Variants in OSBPL11 observed in about 807,000 individuals in gnomAD.
The protein encoded by OSBPL11 is oxysterol binding protein like 11.
A neutral mutation model predicts 84.4 loss-of-function variants in OSBPL11; 33 were observed. The ratio of observed to expected loss-of-function variants is 0.39; its 90% CI spans 0.30 to 0.52. The LOEUF (loss-of-function observed/expected upper bound fraction) is 0.52, where lower values mean the gene tolerates loss of function less well. OSBPL11 is among the 20% of genes least tolerant of loss of function. The pLI, the probability that OSBPL11 is intolerant of heterozygous loss-of-function variation, is 0.72. For synonymous variants in OSBPL11, 276 were observed against 310.2 expected (o/e 0.89, Z 1.16); for missense variants, 736 against 901.1 (o/e 0.82, Z 2.35).
Position 125,552,253 on chromosome 3 carries a change from A to C in OSBPL11, c.1582T>G (p.Cys528Gly). The C allele has an allele frequency of 6.2e-7, 1 of 1,613,978 alleles. No individual in the cohort carries two copies. Among genetic ancestry groups the C allele is most frequent in the African/African-American group, 1.3e-5 (1 of 74,984 alleles). The change falls in exon 9 of 13, where the codon TGT (cysteine) becomes GGT (glycine). Residue 528 changes from cysteine to glycine, a missense_variant. This residue lies in a region of OSBPL11 where 579 missense variants were observed against 717.6 expected (regional missense o/e 0.81). Coordinates refer to ENST00000296220, the MANE Select transcript of OSBPL11 (RefSeq NM_022776.5). ...TTAGTCCAGACATGCGCATTTACACACATCTTCCTCTCTGTACATTCTGCA... is the reference window on the plus strand; with the variant it reads ...TTAGTCCAGACATGCGCATTTACACCCATCTTCCTCTCTGTACATTCTGCA... The part of the protein sequence containing the change: ...FYAECTERKM[C>G]VNAHVWTKSK...
chr3:125,585,545 A>AAT (rs3032676), intron 1 of OSBPL11, among the ~76,000 whole-genome samples: 1 of 150,960 alleles, frequency 6.6e-6, no homozygotes. Context: ...TGAAAAAAAA[A>AAT]AAAACAAAAC....
chr3:125,567,881 C>G (rs1038367473), intron 5 of OSBPL11, among the ~76,000 whole-genome samples: 2 of 151,348 alleles, frequency 1.3e-5, no homozygotes, highest in Non-Finnish European at 2.9e-5. Context: ...GTAGTCCCAG[C>G]TACTTGGGAG....
chr3:125,565,798 A>T (rs895443872), intron 6 of OSBPL11, among the ~76,000 whole-genome samples: 3 of 151,810 alleles, frequency 2.0e-5, no homozygotes, highest in Non-Finnish European at 4.4e-5. Context: ...ATCACTTTGG[A>T]ATGCCCTTTC....
intron 1 of OSBPL11, among the ~76,000 whole-genome samples, chr3:125,587,708 T>C (rs940026071): frequency 6.6e-6 from 1 of 152,136 alleles, no homozygotes; most frequent in Admixed American, 6.5e-5. Flanking sequence ...TCCCAGCACT[T>C]TGGGAGGATC....
chr3:125,570,130 T>C (rs1337217849), intron 5 of OSBPL11, among the ~76,000 whole-genome samples: 2 of 152,078 alleles, frequency 1.3e-5, no homozygotes, highest in African/African-American at 4.8e-5. Context: ...GAAAATAGTA[T>C]GTTTCTTTGT....
chr3:125,539,300 C>CATATATATAT (rs10678056), intron 10 of OSBPL11, among the ~76,000 whole-genome samples: 23 of 67,826 alleles, frequency 3.4e-4, no homozygotes, highest in South Asian at 1.0e-3. Context: ...TCACCACAGC[C>CATATATATAT]ATATATATAT....
chr3:125,581,854 T>G (rs907643899), intron 2 of OSBPL11, among the ~76,000 whole-genome samples: 2 of 151,930 alleles, frequency 1.3e-5, no homozygotes, highest in African/African-American at 4.8e-5. Context: ...TGCATGCCTG[T>G]AGCTCCAGCT....
chr3:125,533,131 A>G (rs558487125), intron 11 of OSBPL11, among the ~76,000 whole-genome samples: 21 of 152,064 alleles, frequency 1.4e-4, no homozygotes, highest in African/African-American at 4.6e-4. Context: ...GAAAGTTACT[A>G]AACATCTGTT....
intron 10 of OSBPL11, among the ~76,000 whole-genome samples, chr3:125,540,200 A>C (rs1935708560): frequency 6.6e-6 from 1 of 152,034 alleles, no homozygotes; most frequent in Non-Finnish European, 1.5e-5. Context: ...GTAGTGGCAC[A>C]GGCCTGTAGT....
rs199544517 is a variant in OSBPL11, at chr3:125,538,543, G to A, written c.1932C>T (p.Ser644=). ...EWNSVLEFTY[S]NGETKYVDLT... ...AGTCCACATACTTTGTCTCTCCATT[G>A]CTATATGTGAACTCAAGAACACTAT... is the stretch of plus-strand genomic sequence containing the variant. Residue 644 remains serine (S), a synonymous_variant, in exon 11 of 13, where the codon AGC becomes AGT. Transcript: ENST00000296220. 1.6e-5 allele frequency: 26 copies of A among 1,613,900 alleles called. No individual in the cohort carries two copies. The highest frequency in any genetic ancestry group is 2.1e-5 in the Non-Finnish European group (25 of 1,179,936).
intron 6 of OSBPL11, among the ~76,000 whole-genome samples, chr3:125,565,517 T>C (rs1251597760): frequency 1.3e-5 from 2 of 152,100 alleles, no homozygotes; most frequent in East Asian, 1.9e-4. Context: ...TGAAAAAAGA[T>C]ACAAACGTAT....
At chr3:125,532,577 C>CAAAA (rs371653670) in intron 11 of OSBPL11, among the ~76,000 whole-genome samples, 6 of 53,996 alleles carry the variant, frequency 1.1e-4, no homozygotes, top group Non-Finnish European at 1.6e-4. Flanking sequence ...AAATCTCAAG[C>CAAAA]AAAAAAAAAA....
chr3:125,569,542 T>G (rs1047536180), intron 5 of OSBPL11, among the ~76,000 whole-genome samples: 5 of 152,206 alleles, frequency 3.3e-5, no homozygotes, highest in Admixed American at 2.0e-4. Flanking sequence ...TCCAAACTTA[T>G]GAACACGCAG....
At chr3:125,593,631 A>C (rs1936635076) in intron 1 of OSBPL11, among the ~76,000 whole-genome samples, 1 of 152,118 alleles carries the variant, frequency 6.6e-6, no homozygotes, top group Non-Finnish European at 1.5e-5. Flanking sequence ...AAAAAAAAAA[A>C]AAAATTATAA....
chr3:125,554,426 T>C (rs1382362333), intron 8 of OSBPL11, among the ~76,000 whole-genome samples: 1 of 152,206 alleles, frequency 6.6e-6, no homozygotes, highest in African/African-American at 2.4e-5. Flanking sequence ...CTAATGATAC[T>C]GACACCAAGT....
rs116766158 is a variant in OSBPL11 at position 125,570,474 on chromosome 3, C to T, written c.667-2879G>A. On this transcript the variant is annotated intron_variant, in intron 5 of 12. Coordinates refer to ENST00000296220, the MANE Select transcript of OSBPL11 (RefSeq NM_022776.5). ...CGAGGCTGCAGTGAGCTATGCACTC[C>T]AGCCTGGCAACAATGAGACACTGTC... Among the ~76,000 whole-genome samples the T allele has an allele frequency of 6.8e-3, 1,042 of 152,122 alleles. 11 individuals are homozygous for T. The highest frequency in any genetic ancestry group is 0.024 in the African/African-American group (978 of 41,502).
At chr3:125,570,048 T>A (rs1021939857) in intron 5 of OSBPL11, among the ~76,000 whole-genome samples, 3 of 151,996 alleles carry the variant, frequency 2.0e-5, no homozygotes, top group African/African-American at 4.8e-5. Flanking sequence ...CAATAAAAGT[T>A]TAACAAAGGA....
At position 125,535,623 on chromosome 3, in the gene OSBPL11, A is replaced by G. The variant is rs370258748; in HGVS notation, c.2024+2828T>C. ...CACGCCAGGTGATTTTTGTATTTTT[A>G]GTAGAGATGCCTGGCTGATTTTTGT... On this transcript the variant is annotated intron_variant, in intron 11 of 12. Coordinates refer to ENST00000296220, the MANE Select transcript of OSBPL11 (RefSeq NM_022776.5). Among the ~76,000 whole-genome samples, 9 of 151,364 alleles carry G rather than the reference A, an allele frequency of 5.9e-5. No individual in the cohort carries two copies. The East Asian group carries it at 1.6e-3, about 26-fold the overall frequency.
At chr3:125,547,704 C>G (rs918757804) in intron 9 of OSBPL11, 112 bp from the exon 10 acceptor site, 2 of 799,864 alleles carry the variant, frequency 2.5e-6, no homozygotes, top group African/African-American at 3.6e-5. Context: ...TTTTTCCTAA[C>G]CTTCATTTAA....
Sources: gnomAD v4.1 joint callset for allele counts (sites outside exome capture counted in the v4.1 genomes callset) on GRCh38, gnomAD v4.1.1 for gene constraint, gnomAD v4.1.1 regional missense constraint, MANE v1.5 for transcripts, NCBI Gene and HGNC (gene_info 2026-07-23, HGNC 2026-07-21) for gene names.